ARHGAP10: variants seen among roughly 807,000 people sequenced by gnomAD.
The protein encoded by ARHGAP10 is Rho GTPase activating protein 10, also known as rho GTPase-activating protein 10.
Under a neutral mutation model 108.6 loss-of-function variants are expected in ARHGAP10, and 87 were observed. That is an observed-to-expected ratio of 0.80 (90% CI 0.67 to 0.96). The LOEUF is 0.96. ARHGAP10 is among the 40% of genes least tolerant of loss of function. ARHGAP10 has a pLI of 0.00. For synonymous variants in ARHGAP10, 347 were observed against 341.1 expected, an observed-to-expected ratio of 1.02 and a Z score of -0.19; for missense variants, 939 against 954.5, an observed-to-expected ratio of 0.98 and a Z score of 0.21.
chr4:148,019,573 A>T (rs1489815567), intron 18 of ARHGAP10, among the ~76,000 whole-genome samples: 1 of 152,076 alleles, frequency 6.6e-6, no homozygotes, highest in Non-Finnish European at 1.5e-5. Context: ...AACATGGTGA[A>T]ACCCCATCTC....
rs74729351 is a variant in ARHGAP10 at position 147,883,035 on chromosome 4, C to T, written c.1034+1103C>T. On this transcript the variant is annotated intron_variant, in intron 10 of 22. Coordinates refer to ENST00000336498, the MANE Select transcript of ARHGAP10 (RefSeq NM_024605.4). ...AAAAGTAATTAATGCTGCTTCCTCT[C>T]TTAGATGATATAGTTGAGTCTCTGG... Among the ~76,000 whole-genome samples, 943 of 152,248 alleles carry T rather than the reference C, an allele frequency of 6.2e-3. 11 individuals carry two copies. The highest frequency in any genetic ancestry group is 0.022 in the African/African-American group (909 of 41,538).
At chr4:147,819,609 G>A (rs996623191) in intron 1 of ARHGAP10, among the ~76,000 whole-genome samples, 5 of 151,600 alleles carry the variant, frequency 3.3e-5, no homozygotes, top group Non-Finnish European at 7.4e-5. Context: ...GTTCAGTGGC[G>A]CTGTCTCAGC....
At chr4:147,864,980 T>C in intron 6 of ARHGAP10, 24 bp downstream of exon 6, 3 of 1,588,620 alleles carry the variant, frequency 1.9e-6, no homozygotes, top group Non-Finnish European at 2.6e-6. Context: ...AGTTGTTTGC[T>C]GGTGGATTTT....
chr4:148,059,279 T>A (rs1729497021), intron 20 of ARHGAP10, among the ~76,000 whole-genome samples: 1 of 152,180 alleles, frequency 6.6e-6, no homozygotes, highest in African/African-American at 2.4e-5. Flanking sequence ...CTGAGCTTTT[T>A]AGGAACAGTT....
chr4:148,016,117 A>G (rs968747750), intron 18 of ARHGAP10, among the ~76,000 whole-genome samples: 3 of 152,190 alleles, frequency 2.0e-5, no homozygotes, highest in Non-Finnish European at 4.4e-5. Flanking sequence ...AAAAGTTGCA[A>G]CTGTTATTAT....
At chr4:147,912,366 C>A (rs1039037412) in intron 12 of ARHGAP10, among the ~76,000 whole-genome samples, 4 of 151,014 alleles carry the variant, frequency 2.6e-5, no homozygotes, top group Non-Finnish European at 5.9e-5. Flanking sequence ...ATGGTGAAAC[C>A]CCATCTCTAC....
intron 18 of ARHGAP10, among the ~76,000 whole-genome samples, chr4:147,999,704 C>T (rs939442836): frequency 6.6e-6 from 1 of 152,180 alleles, no homozygotes; most frequent in Non-Finnish European, 1.5e-5. Context: ...AGATTCCATT[C>T]GTTGGAATCC....
chr4:147,995,778 G>A (rs1414710163), intron 18 of ARHGAP10, among the ~76,000 whole-genome samples: 2 of 151,856 alleles, frequency 1.3e-5, no homozygotes, highest in African/African-American at 4.8e-5. Flanking sequence ...ATGCAGTGGC[G>A]CGATCTCTGC....
In ARHGAP10 at chr4:148,034,844, A is replaced by G. The variant is rs1728303912; in HGVS notation, c.1867+11431A>G. On this transcript the variant is annotated intron_variant, in intron 19 of 22. Coordinates refer to ENST00000336498, the MANE Select transcript of ARHGAP10 (RefSeq NM_024605.4). ...AGTATCTGAGTAGTTTTGGGTTCCC[A>G]AGAATAATAACACATGGCTGTTATA... is the stretch of plus-strand genomic sequence containing the variant. Among the ~76,000 whole-genome samples, 7 of 152,346 alleles carry G rather than the reference A, an allele frequency of 4.6e-5. No individual in the cohort carries two copies. In the South Asian group the frequency reaches 1.5e-3, roughly 32 times the overall value.
chr4:148,003,086 A>G (rs1478454995), intron 18 of ARHGAP10, among the ~76,000 whole-genome samples: 2 of 152,200 alleles, frequency 1.3e-5, no homozygotes, highest in African/African-American at 2.4e-5. Flanking sequence ...ACTGCGTTAA[A>G]TGTGTCCCAG....
At chr4:147,783,634 G>A (rs71616568) in intron 1 of ARHGAP10, among the ~76,000 whole-genome samples, 211 of 132,910 alleles carry the variant, frequency 1.6e-3, no homozygotes, top group Non-Finnish European at 2.1e-3. Context: ...ACATTAAATT[G>A]TGTATTGTAT....
Position 147,822,904 on chromosome 4 carries a change from T to C in ARHGAP10, c.259T>C (p.Leu87=), listed in dbSNP as rs1292269570. 1 of 1,614,136 alleles carries C rather than the reference T, an allele frequency of 6.2e-7. No individual in the cohort carries two copies. The highest frequency in any genetic ancestry group is 8.5e-7 in the Non-Finnish European group (1 of 1,179,972). Reference sequence around the variant, plus strand: ...CTCCTTTCTTCTTACAGATGCTTCCTTACGTGAATTTTCAAATTTTTTGAA... The same window carrying C: ...CTCCTTTCTTCTTACAGATGCTTCCCTACGTGAATTTTCAAATTTTTTGAA... ...TDDERCIDAS[L]REFSNFLKNL... Residue 87 remains leucine (L), a synonymous_variant, in exon 3 of 23, where the codon TTA becomes CTA. Transcript: ENST00000336498.
chr4:147,875,825 G>T (rs890924857), intron 8 of ARHGAP10, among the ~76,000 whole-genome samples: 2 of 152,106 alleles, frequency 1.3e-5, no homozygotes, highest in Non-Finnish European at 2.9e-5. Flanking sequence ...AAAATTAAAA[G>T]ACCTGTATTT....
rs771176767 is a variant in ARHGAP10 at position 147,958,100 on chromosome 4, A to G, written c.1450+2726A>G. On this transcript the variant is annotated intron_variant, in intron 16 of 22. Transcript: ENST00000336498. ...TAGTTACCTGGTCTATGGGGAATAC[A>G]AAAGATTGTGTCCACCACAGGCAGG... Among the ~76,000 whole-genome samples, 73 of 152,324 alleles carry G rather than the reference A, an allele frequency of 4.8e-4. 1 individual carries two copies. Among genetic ancestry groups the G allele is most frequent in the Non-Finnish European group, 8.2e-4 (56 of 68,024 alleles).
At chr4:148,003,636 T>C (rs548328755) in intron 18 of ARHGAP10, among the ~76,000 whole-genome samples, 38 of 152,358 alleles carry the variant, frequency 2.5e-4, no homozygotes, top group African/African-American at 8.7e-4. Flanking sequence ...TTAGCTCTTC[T>C]TGTTGAATTG....
intron 1 of ARHGAP10, among the ~76,000 whole-genome samples, chr4:147,812,366 G>A (rs562347775): frequency 6.6e-6 from 1 of 152,264 alleles, no homozygotes; most frequent in East Asian, 1.9e-4. Context: ...GGGTGCTGTG[G>A]ATGATGTTGA....
chr4:147,963,056 T>C (rs1264436929), intron 16 of ARHGAP10, among the ~76,000 whole-genome samples: 3 of 152,234 alleles, frequency 2.0e-5, no homozygotes, highest in South Asian at 4.1e-4. Context: ...AAGAAAAATA[T>C]CAGGCATACC....
chr4:148,059,932 T>G (rs1729530230), intron 20 of ARHGAP10, among the ~76,000 whole-genome samples: 1 of 150,960 alleles, frequency 6.6e-6, no homozygotes, highest in African/African-American at 2.4e-5. Context: ...ACCTGGAGCT[T>G]AGAAAACCCA....
intron 1 of ARHGAP10, among the ~76,000 whole-genome samples, chr4:147,816,965 G>T (rs952849428): frequency 1.3e-5 from 2 of 152,064 alleles, no homozygotes; most frequent in African/African-American, 4.8e-5. Context: ...GCAGAGTCAG[G>T]GGCAGCTCCC....
Sources: allele counts gnomAD v4.1 joint callset (sites outside exome capture counted in the v4.1 genomes callset), GRCh38; gene constraint gnomAD v4.1.1; transcripts MANE v1.5; gene names NCBI Gene and HGNC (gene_info 2026-07-23, HGNC 2026-07-21).